Variants in SSBP2 observed in about 807,000 individuals in gnomAD.
SSBP2 encodes the protein single-stranded DNA-binding protein 2.
SSBP2 carries 17 observed loss-of-function variants against 61.8 expected under a neutral mutation model. The ratio of observed to expected loss-of-function variants is 0.28; its 90% CI spans 0.19 to 0.41. The LOEUF is 0.41. Ranked by LOEUF, SSBP2 falls within the 10% of genes least tolerant of loss-of-function variation. The pLI is 1.00. For synonymous variants in SSBP2, 139 were observed against 141.3 expected (o/e 0.98, Z 0.12); for missense variants, 310 against 458.7 (o/e 0.68, Z 2.96).
chr5:81,717,459 A>C (rs1384450087), intron 1 of SSBP2, among the ~76,000 whole-genome samples: 1 of 152,206 alleles, frequency 6.6e-6, no homozygotes, highest in Non-Finnish European at 1.5e-5. Context: ...CATGCCTTCT[A>C]CATGACATGT....
At position 81,596,663 on chromosome 5, in the gene SSBP2, G is replaced by A. The variant is rs1232558634; in HGVS notation, c.282+18810C>T. Among the ~76,000 whole-genome samples, 45 of 47,920 alleles carry A rather than the reference G, an allele frequency of 9.4e-4. 2 individuals carry two copies. In the South Asian group the frequency reaches 0.018, roughly 19 times the overall value. 31.4% of individuals were successfully genotyped at this position (47,920 alleles called of 152,430 possible). ...GAGATATAGACCAATGGAACAGAAC[G>A]GAGCTCTCAGAAATAATACCCCACA... On this transcript the variant is annotated intron_variant, in intron 4 of 16. Coordinates refer to ENST00000320672, the MANE Select transcript of SSBP2 (RefSeq NM_012446.5).
chr5:81,694,216 G>A (rs1192419828), intron 1 of SSBP2, among the ~76,000 whole-genome samples: 1 of 152,014 alleles, frequency 6.6e-6, no homozygotes, highest in African/African-American at 2.4e-5. Context: ...ATGGTTAGTG[G>A]GTACAAAAAT....
chr5:81,597,997 T>TA (rs1743962450), intron 4 of SSBP2, among the ~76,000 whole-genome samples: 1 of 151,616 alleles, frequency 6.6e-6, no homozygotes, highest in Non-Finnish European at 1.5e-5. Flanking sequence ...CCCTAAAACT[T>TA]AAAGTATAAT....
chr5:81,461,191 TA>T, intron 9 of SSBP2, 88 bp from the exon 10 acceptor site: 1 of 1,034,998 alleles, frequency 9.7e-7, no homozygotes, highest in Non-Finnish European at 1.4e-6. Context: ...ATAACATTTA[TA>T]ATTCAGTTAC....
chr5:81,461,561 A>C (rs1016364574), intron 9 of SSBP2, among the ~76,000 whole-genome samples: 7 of 150,426 alleles, frequency 4.7e-5, no homozygotes, highest in African/African-American at 1.7e-4. Context: ...AAGCAAATAA[A>C]AATATATAAA....
intron 4 of SSBP2, among the ~76,000 whole-genome samples, chr5:81,527,975 T>C (rs921574032): frequency 5.9e-5 from 9 of 151,566 alleles, no homozygotes; most frequent in Middle Eastern, 3.5e-3. Flanking sequence ...GAAAAAACAA[T>C]TGACTACCAT....
chr5:81,496,259 A>G (rs1767268409), intron 5 of SSBP2, among the ~76,000 whole-genome samples: 1 of 152,114 alleles, frequency 6.6e-6, no homozygotes, highest in Non-Finnish European at 1.5e-5. Context: ...GGCTCACTGC[A>G]ACCTCCGCCT....
At chr5:81,690,816 C>T (rs890782698) in intron 1 of SSBP2, among the ~76,000 whole-genome samples, 3 of 151,994 alleles carry the variant, frequency 2.0e-5, no homozygotes, top group Non-Finnish European at 4.4e-5. Flanking sequence ...ATATGTTAGG[C>T]CACAAAACAA....
chr5:81,666,454 G>C (rs1751145181), intron 1 of SSBP2, among the ~76,000 whole-genome samples: 1 of 152,122 alleles, frequency 6.6e-6, no homozygotes, highest in Non-Finnish European at 1.5e-5. Context: ...AAGTAATACT[G>C]AGCATGTAGG....
chr5:81,584,747 G>A (rs990685079), intron 4 of SSBP2, among the ~76,000 whole-genome samples: 2 of 152,094 alleles, frequency 1.3e-5, no homozygotes, highest in Non-Finnish European at 2.9e-5. Flanking sequence ...ATAGATAAGA[G>A]CAAACTGAGG....
intron 1 of SSBP2, among the ~76,000 whole-genome samples, chr5:81,687,169 G>A (rs754463185): frequency 1.6e-4 from 25 of 152,208 alleles, no homozygotes; most frequent in South Asian, 4.1e-4. Context: ...CGCATGGTAC[G>A]GAGAATCTGT....
chr5:81,685,647 T>G (rs1037277700), intron 1 of SSBP2, among the ~76,000 whole-genome samples: 6 of 152,196 alleles, frequency 3.9e-5, no homozygotes, highest in Non-Finnish European at 5.9e-5. Flanking sequence ...TCTTTTGTTC[T>G]TGCGGTAGGA....
At chr5:81,466,196 C>G (rs191655641) in intron 9 of SSBP2, among the ~76,000 whole-genome samples, 2 of 152,036 alleles carry the variant, frequency 1.3e-5, no homozygotes, top group South Asian at 4.1e-4. Context: ...TGAAACTGAT[C>G]CTCTTGTGAA....
intron 4 of SSBP2, among the ~76,000 whole-genome samples, chr5:81,590,655 G>T (rs954032519): frequency 2.4e-4 from 37 of 152,186 alleles, no homozygotes; most frequent in African/African-American, 8.4e-4. Context: ...AAAACTGTTG[G>T]ACAACAAGAG....
At chr5:81,534,133 G>A (rs1047221808) in intron 4 of SSBP2, among the ~76,000 whole-genome samples, 5 of 152,040 alleles carry the variant, frequency 3.3e-5, no homozygotes, top group Non-Finnish European at 7.4e-5. Flanking sequence ...AGTAGTGTGA[G>A]GTCAACAGAG....
intron 1 of SSBP2, among the ~76,000 whole-genome samples, chr5:81,673,927 A>T (rs1751773554): frequency 6.6e-6 from 1 of 152,212 alleles, no homozygotes; most frequent in East Asian, 1.9e-4. Flanking sequence ...CCAATCAATG[A>T]AAGTGTAAAA....
At chr5:81,734,390 A>C (rs1756459702) in intron 1 of SSBP2, among the ~76,000 whole-genome samples, 2 of 152,236 alleles carry the variant, frequency 1.3e-5, no homozygotes, top group African/African-American at 4.8e-5. Context: ...ACAATTTCTC[A>C]GGTATATTCT....
chr5:81,729,715 CTTTT>C (rs1395176098), intron 1 of SSBP2, among the ~76,000 whole-genome samples: 1 of 151,774 alleles, frequency 6.6e-6, no homozygotes, highest in Non-Finnish European at 1.5e-5. Flanking sequence ...CATATTTTTG[CTTTT>C]TTAACCTTTA....
chr5:81,702,732 AT>A (rs1754079479), intron 1 of SSBP2, among the ~76,000 whole-genome samples: 2 of 152,168 alleles, frequency 1.3e-5, no homozygotes, highest in East Asian at 3.9e-4. Flanking sequence ...TTTTTCTGTC[AT>A]TTTATTTTAG....
Sources: allele counts gnomAD v4.1 joint callset (sites outside exome capture counted in the v4.1 genomes callset), GRCh38; gene constraint gnomAD v4.1.1; transcripts MANE v1.5; gene names NCBI Gene and HGNC (gene_info 2026-07-23, HGNC 2026-07-21).